Variants in SLC10A7 observed in about 807,000 individuals in gnomAD.
SLC10A7 encodes the protein sodium/bile acid cotransporter 7.
Under a neutral mutation model 43.2 loss-of-function variants are expected in SLC10A7, and 29 were observed. The ratio of observed to expected loss-of-function variants is 0.67; its 90% CI spans 0.50 to 0.92. The LOEUF (loss-of-function observed/expected upper bound fraction) is 0.92. Ranked by LOEUF, SLC10A7 falls within the 40% of genes least tolerant of loss-of-function variation. The pLI is 0.00. For missense variants in SLC10A7, 295 were observed against 403.2 expected (o/e 0.73, Z 2.30); for synonymous variants, 152 against 144.8 (o/e 1.05, Z -0.35).
chr4:146,389,808 C>T (rs767045290), intron 5 of SLC10A7, among the ~76,000 whole-genome samples: 4 of 152,156 alleles, frequency 2.6e-5, no homozygotes, highest in Non-Finnish European at 5.9e-5. Flanking sequence ...AAACCTTGGG[C>T]AAATCACTTA....
At chr4:146,510,161 A>G in intron 2 of SLC10A7, 112 bp from the exon 3 acceptor site, 1 of 1,004,898 alleles carries the variant, frequency 1.0e-6, no homozygotes, top group Non-Finnish European at 1.4e-6. Context: ...GTTTTTTCAT[A>G]GCTAAAATTT....
In SLC10A7 at chr4:146,327,401, T is replaced by A. The variant is rs550128180; in HGVS notation, c.436-1405A>T. ...TATGAAACAGGTTCTCATTAACACATTTAGGAGAGCCAAATGTGCTAAATG... is the reference window on the plus strand; with the variant it reads ...TATGAAACAGGTTCTCATTAACACAATTAGGAGAGCCAAATGTGCTAAATG... On this transcript the variant is annotated intron_variant, in intron 5 of 11. Coordinates refer to ENST00000335472, the MANE Select transcript of SLC10A7 (RefSeq NM_001029998.6). Among the ~76,000 whole-genome samples the A allele has an allele frequency of 5.9e-5, 9 of 152,300 alleles. No homozygotes were observed. The East Asian group carries it at 1.7e-3, about 29-fold the overall frequency.
In SLC10A7 at chr4:146,459,781, C is replaced by T. The variant is rs1732381348; in HGVS notation, c.397-16960G>A. ...AGGACAACATATCTACGTTAGGCTA[C>T]AAAAATCACAAACTTTTGATATAAT... On this transcript the variant is annotated intron_variant, in intron 4 of 11. Transcript: ENST00000335472. Among the ~76,000 whole-genome samples the T allele has an allele frequency of 2.0e-5, 3 of 151,694 alleles. 1 individual carries two copies. The South Asian group carries it at 6.2e-4, about 32-fold the overall frequency.
At chr4:146,374,970 C>T (rs1248294344) in intron 5 of SLC10A7, among the ~76,000 whole-genome samples, 2 of 152,124 alleles carry the variant, frequency 1.3e-5, no homozygotes, top group African/African-American at 4.8e-5. Flanking sequence ...CTTTGGGAGG[C>T]TGAGGCAGAT....
chr4:146,300,468 G>A (rs1475859224), intron 7 of SLC10A7, among the ~76,000 whole-genome samples: 2 of 152,176 alleles, frequency 1.3e-5, no homozygotes, highest in African/African-American at 2.4e-5. Flanking sequence ...AGGCAGAGAC[G>A]ACCTTGTGAG....
At chr4:146,289,329 A>G (rs934283503) in intron 9 of SLC10A7, among the ~76,000 whole-genome samples, 1 of 152,230 alleles carries the variant, frequency 6.6e-6, no homozygotes, top group Admixed American at 6.5e-5. Flanking sequence ...CTCACTGGAA[A>G]TGTACTGATC....
At chr4:146,389,329 A>C (rs1437849020) in intron 5 of SLC10A7, among the ~76,000 whole-genome samples, 1 of 151,292 alleles carries the variant, frequency 6.6e-6, no homozygotes, top group Non-Finnish European at 1.5e-5. Context: ...AAAAAAAAAA[A>C]CATTAAAAGA....
At chr4:146,456,295 C>CT (rs1225765662) in intron 4 of SLC10A7, among the ~76,000 whole-genome samples, 1 of 151,896 alleles carries the variant, frequency 6.6e-6, no homozygotes, top group African/African-American at 2.4e-5. Context: ...GATTGGTGAA[C>CT]TTTTAAAGAG....
intron 5 of SLC10A7, among the ~76,000 whole-genome samples, chr4:146,398,574 C>CATA (rs983667650): frequency 3.3e-5 from 5 of 152,124 alleles, no homozygotes; most frequent in Non-Finnish European, 7.4e-5. Flanking sequence ...TCTAATTTGA[C>CATA]ATAATAAGAA....
chr4:146,380,412 C>A (rs1348410111), intron 5 of SLC10A7, among the ~76,000 whole-genome samples: 1 of 152,116 alleles, frequency 6.6e-6, no homozygotes, highest in Non-Finnish European at 1.5e-5. Flanking sequence ...GAGTTCTGCT[C>A]TATAAAAACT....
intron 5 of SLC10A7, among the ~76,000 whole-genome samples, chr4:146,438,728 C>A (rs939309116): frequency 6.6e-6 from 1 of 151,904 alleles, no homozygotes; most frequent in Non-Finnish European, 1.5e-5. Flanking sequence ...GCCTCCAAAT[C>A]AAAAATGCTA....
chr4:146,418,671 C>T (rs1728745858), intron 5 of SLC10A7, among the ~76,000 whole-genome samples: 1 of 152,192 alleles, frequency 6.6e-6, no homozygotes, highest in Admixed American at 6.5e-5. Context: ...CGATACAACA[C>T]TTCTGACACC....
chr4:146,425,929 C>CA lies in SLC10A7; in HGVS notation c.435+16853dup, dbSNP rs536090793. ...CCTCTGCTTCCTCTAATCCCATTCTCACCAAATAAACTCCTTAGTAAAATA... is the reference window on the plus strand; with the variant it reads ...CCTCTGCTTCCTCTAATCCCATTCTCAACCAAATAAACTCCTTAGTAAAATA... On this transcript the variant is annotated intron_variant, in intron 5 of 11. Transcript: ENST00000335472. 7.0e-4 allele frequency among the ~76,000 whole-genome samples: 106 copies of CA among 152,302 alleles called. 3 individuals carry two copies. In the South Asian group the frequency reaches 0.021, roughly 31 times the overall value.
chr4:146,360,550 A>C (rs1425213509), intron 5 of SLC10A7, among the ~76,000 whole-genome samples: 1 of 151,866 alleles, frequency 6.6e-6, no homozygotes, highest in Non-Finnish European at 1.5e-5. Context: ...AAAATATCCT[A>C]CTGCCTCAGC....
intron 5 of SLC10A7, among the ~76,000 whole-genome samples, chr4:146,424,067 A>T (rs1332354181): frequency 6.6e-6 from 1 of 152,180 alleles, no homozygotes; most frequent in Non-Finnish European, 1.5e-5. Context: ...TTTGTTTTAA[A>T]TAGAGACAAG....
chr4:146,370,161 G>A (rs1241882709), intron 5 of SLC10A7, among the ~76,000 whole-genome samples: 2 of 152,048 alleles, frequency 1.3e-5, no homozygotes, highest in African/African-American at 4.8e-5. Flanking sequence ...ACACAATTTT[G>A]CCACTGTAGA....
At chr4:146,419,339 T>C (rs1015655031) in intron 5 of SLC10A7, among the ~76,000 whole-genome samples, 3 of 152,188 alleles carry the variant, frequency 2.0e-5, no homozygotes, top group Admixed American at 6.5e-5. Context: ...GTCACTCTTA[T>C]CATTCTGGAG....
intron 3 of SLC10A7, among the ~76,000 whole-genome samples, chr4:146,508,956 G>T (rs1737183826): frequency 6.6e-6 from 1 of 152,068 alleles, no homozygotes; most frequent in Admixed American, 6.6e-5. Context: ...ACATCACCAG[G>T]CTCTGGCCTT....
intron 11 of SLC10A7, chr4:146,256,879 A>G: frequency 2.0e-6 from 3 of 1,536,374 alleles, no homozygotes; most frequent in Non-Finnish European, 2.6e-6. Context: ...ATGGATAGAT[A>G]TTCCAAGCCT....
Sources: gnomAD v4.1 joint callset for allele counts (sites outside exome capture counted in the v4.1 genomes callset) on GRCh38, gnomAD v4.1.1 for gene constraint, MANE v1.5 for transcripts, NCBI Gene and HGNC (gene_info 2026-07-23, HGNC 2026-07-21) for gene names.